Variants in LAP3 observed in about 807,000 individuals in gnomAD.
The protein encoded by LAP3 is cytosol aminopeptidase.
In LAP3, 46 loss-of-function variants were observed where a neutral mutation model predicts 58.8. The observed-to-expected ratio is 0.78, with a 90% CI of 0.62 to 1.00. LAP3 has a LOEUF of 1.00. Among genes scored for constraint, LAP3 ranks in the 50% least tolerant of loss-of-function variants. The probability of loss-of-function intolerance (pLI) is 0.00; values close to 1 mark genes in which losing one functional copy is unlikely to be tolerated. For missense variants in LAP3, 615 were observed against 659.1 expected, an observed-to-expected ratio of 0.93 and a Z score of 0.73; for synonymous variants, 257 against 237.7, an observed-to-expected ratio of 1.08 and a Z score of -0.75.
intron 2 of LAP3, among the ~76,000 whole-genome samples, chr4:17,580,188 T>A (rs1323364987): frequency 3.0e-4 from 10 of 33,048 alleles, no homozygotes; most frequent in African/African-American, 1.1e-3. Context: ...ATATGTATTT[T>A]TTTTTTTTTT....
intron 11 of LAP3, 60 bp downstream of exon 11, chr4:17,604,727 A>C: frequency 3.1e-6 from 4 of 1,277,706 alleles, no homozygotes; most frequent in Non-Finnish European, 4.6e-6. Context: ...TTCTAGCCTT[A>C]GAAGGATAGA....
In LAP3 at chr4:17,604,634, C is replaced by G. The variant is rs1714074419; in HGVS notation, c.1227C>G (p.Thr409=). Reference sequence around the variant, plus strand: ...GATCAGGTGCCACTGGGGTCTTTACCAATTCATCCTGGCTCTGGAACAAAC... The same window carrying G: ...GATCAGGTGCCACTGGGGTCTTTACGAATTCATCCTGGCTCTGGAACAAAC... ...ALGSGATGVF[T]NSSWLWNKLF... is the part of the protein sequence containing the mutation. Residue 409 remains threonine (T), a synonymous_variant, in exon 11 of 13, where the codon ACC becomes ACG. Transcript: ENST00000226299. The G allele has an allele frequency of 1.9e-6, 3 of 1,613,700 alleles. No individual in the cohort carries two copies. The highest frequency in any genetic ancestry group is 1.7e-6 in the Non-Finnish European group (2 of 1,179,670).
chr4:17,588,442 G>A (rs1713587957), intron 6 of LAP3, among the ~76,000 whole-genome samples: 1 of 152,132 alleles, frequency 6.6e-6, no homozygotes, highest in Admixed American at 6.5e-5. Context: ...ACCGCACCCG[G>A]CCTTCTAACT....
At chr4:17,592,714 A>G (rs1263106590) in intron 7 of LAP3, among the ~76,000 whole-genome samples, 1 of 152,162 alleles carries the variant, frequency 6.6e-6, no homozygotes, top group African/African-American at 2.4e-5. Flanking sequence ...TCAGTATTTG[A>G]TATTGTCAGT....
At position 17,577,454 on chromosome 4, in the gene LAP3, C is replaced by G. The variant is rs1002534264; in HGVS notation, c.-12C>G. 6 of 1,547,008 alleles carry G rather than the reference C, an allele frequency of 3.9e-6. No homozygotes were observed. The highest frequency in any genetic ancestry group is 2.5e-5 in the East Asian group (1 of 40,316). ...CTCGCTGGAGGGCGGTGCGAGGGGC[C>G]GAGCCGACAAGATGTTCTTGCTGCC... On this transcript the variant is annotated 5_prime_UTR_variant, in exon 1 of 13. Coordinates refer to ENST00000226299, the MANE Select transcript of LAP3 (RefSeq NM_015907.3).
In LAP3 at chr4:17,577,453, C is replaced by A. The variant is rs959891534; in HGVS notation, c.-13C>A. 1 of 1,544,828 alleles carries A rather than the reference C, an allele frequency of 6.5e-7. No individual in the cohort carries two copies. The highest frequency in any genetic ancestry group is 2.0e-5 in the Admixed American group (1 of 51,134). On this transcript the variant is annotated 5_prime_UTR_variant, in exon 1 of 13. Transcript: ENST00000226299. The stretch of plus-strand genomic sequence containing the variant: ...GCTCGCTGGAGGGCGGTGCGAGGGG[C>A]CGAGCCGACAAGATGTTCTTGCTGC...
At chr4:17,595,592 A>T in intron 8 of LAP3, 58 bp downstream of exon 8, 1 of 1,559,818 alleles carries the variant, frequency 6.4e-7, no homozygotes, top group Non-Finnish European at 8.8e-7. Flanking sequence ...CAGGTGGGAG[A>T]AGAGAGACAA....
Position 17,589,455 on chromosome 4 carries a change from T to G in LAP3, c.863+478T>G, listed in dbSNP as rs550414864. Among the ~76,000 whole-genome samples the G allele has an allele frequency of 5.9e-5, 9 of 152,278 alleles. No homozygotes were observed. The East Asian group carries it at 1.2e-3, about 20-fold the overall frequency. ...CCACCTCTAAAATGCTTAGAATATG[T>G]CAGAGACTATCAGGTATTTTGCATG... On this transcript the variant is annotated intron_variant, in intron 7 of 12. Transcript: ENST00000226299.
At chr4:17,578,620 C>CT (rs1713273695) in intron 1 of LAP3, among the ~76,000 whole-genome samples, 1 of 152,214 alleles carries the variant, frequency 6.6e-6, no homozygotes, top group Non-Finnish European at 1.5e-5. Context: ...GCTACTTGTT[C>CT]TTTCCACCTC....
At chr4:17,577,714 G>A (rs1387270532) in intron 1 of LAP3, 147 bp downstream of exon 1, 8 of 639,174 alleles carry the variant, frequency 1.3e-5, no homozygotes, top group Admixed American at 3.0e-5. Flanking sequence ...CTCCTTGCGG[G>A]GATCGGCCTA....
intron 7 of LAP3, among the ~76,000 whole-genome samples, chr4:17,592,864 A>C (rs1713722988): frequency 6.6e-6 from 1 of 152,182 alleles, no homozygotes; most frequent in African/African-American, 2.4e-5. Context: ...GCTGGAGTGC[A>C]CCTCGGCTCA....
In LAP3 at chr4:17,577,489, T is replaced by C. The variant is rs749880272; in HGVS notation, c.24T>C (p.Ala8=). 1.3e-6 allele frequency: 2 copies of C among 1,583,200 alleles called. No individual in the cohort carries two copies. The highest frequency in any genetic ancestry group is 1.7e-6 in the Non-Finnish European group (2 of 1,166,428). MFLLPLP[A]AGRVVVRRLA... is the part of the protein sequence containing the mutation. ...AGATGTTCTTGCTGCCTCTTCCGGC[T>C]GCGGGGCGAGTAGTCGTCCGACGTC... is the stretch of plus-strand genomic sequence containing the variant. Residue 8 remains alanine (A), a synonymous_variant, in exon 1 of 13, where the codon GCT becomes GCC. Coordinates refer to ENST00000226299, the MANE Select transcript of LAP3 (RefSeq NM_015907.3).
At chr4:17,602,672 G>C (rs10939738) in intron 10 of LAP3, among the ~76,000 whole-genome samples, 89,794 of 151,836 alleles carry the variant, frequency 0.59, 27,690 homozygotes, top group East Asian at 0.88. Context: ...TCCAACATTT[G>C]TTTATAAAAG....
chr4:17,605,619 T>G (rs1350357057), intron 11 of LAP3, among the ~76,000 whole-genome samples: 1 of 152,142 alleles, frequency 6.6e-6, no homozygotes, highest in Non-Finnish European at 1.5e-5. Flanking sequence ...TTATTTTCAC[T>G]CTAAACTGCT....
intron 10 of LAP3, among the ~76,000 whole-genome samples, chr4:17,599,010 T>C (rs775529391): frequency 2.8e-4 from 42 of 152,250 alleles, no homozygotes; most frequent in Admixed American, 9.2e-4. Flanking sequence ...AGTGCTGGGG[T>C]TACAGGCATG....
chr4:17,604,464 T>A, intron 10 of LAP3, 124 bp from the exon 11 acceptor site: 1 of 670,438 alleles, frequency 1.5e-6, no homozygotes, highest in Non-Finnish European at 2.7e-6. Context: ...TTTCCTAAGC[T>A]TATCTATTTT....
At chr4:17,604,738 C>G in intron 11 of LAP3, 71 bp downstream of exon 11, 2 of 1,159,460 alleles carry the variant, frequency 1.7e-6, no homozygotes, top group Non-Finnish European at 2.6e-6. Flanking sequence ...GAAGGATAGA[C>G]TTCTTCAACC....
At chr4:17,606,052 G>A (rs1335023310) in intron 11 of LAP3, among the ~76,000 whole-genome samples, 3 of 152,174 alleles carry the variant, frequency 2.0e-5, no homozygotes, top group African/African-American at 7.2e-5. Flanking sequence ...CCCTTGGGTG[G>A]CTCAGATGGT....
chr4:17,581,586 A>C (rs954495899), intron 2 of LAP3, among the ~76,000 whole-genome samples, 174 bp from the exon 3 acceptor site: 1 of 152,166 alleles, frequency 6.6e-6, no homozygotes, highest in African/African-American at 2.4e-5. Context: ...TTAAAAAAAA[A>C]AAAAAGAAAG....
Sources: gnomAD v4.1 joint callset for allele counts (sites outside exome capture counted in the v4.1 genomes callset) on GRCh38, gnomAD v4.1.1 for gene constraint, MANE v1.5 for transcripts, NCBI Gene and HGNC (gene_info 2026-07-23, HGNC 2026-07-21) for gene names.